Variants in WDR72 observed in about 807,000 individuals in gnomAD.
WDR72 encodes WD repeat-containing protein 72.
A neutral mutation model predicts 124.2 loss-of-function variants in WDR72; 120 were observed. That is an observed-to-expected ratio of 0.97 (90% CI 0.83 to 1.12). WDR72 has a LOEUF of 1.12. Ranked by LOEUF, WDR72 falls within the 50% of genes most tolerant of loss-of-function variation. The pLI, the probability that WDR72 is intolerant of heterozygous loss-of-function variation, is 0.00. For missense variants in WDR72, 1,387 were observed against 1,278.8 expected, an observed-to-expected ratio of 1.08 and a Z score of -1.29; for synonymous variants, 452 against 441.7, an observed-to-expected ratio of 1.02 and a Z score of -0.29.
rs140553578 is a variant in WDR72 at position 53,601,779 on chromosome 15, A to G, written c.2953-4505T>C. 5.4e-3 allele frequency among the ~76,000 whole-genome samples: 825 copies of G among 152,322 alleles called. 10 individuals carry two copies. The highest frequency in any genetic ancestry group is 0.019 in the African/African-American group (803 of 41,578). On this transcript the variant is annotated intron_variant, in intron 17 of 19. Coordinates refer to ENST00000360509, the MANE Select transcript of WDR72 (RefSeq NM_182758.4). ...TACATAAGGGTAAAGGGTTCAATTC[A>G]ACAGGAAGAGCTAACTATCCTAAAT...
At chr15:53,547,931 C>T (rs961590592) in intron 18 of WDR72, among the ~76,000 whole-genome samples, 1 of 150,956 alleles carries the variant, frequency 6.6e-6, no homozygotes, top group Non-Finnish European at 1.5e-5. Context: ...AAATGCTGGA[C>T]AGCAAAAAAA....
At chr15:53,711,074 T>C in intron 8 of WDR72, 121 bp from the exon 9 acceptor site, 1 of 960,046 alleles carries the variant, frequency 1.0e-6, no homozygotes, top group Non-Finnish European at 1.6e-6. Flanking sequence ...TAGTTAGAAA[T>C]TGTTGGGTTA....
intron 14 of WDR72, among the ~76,000 whole-genome samples, chr15:53,641,862 T>C (rs1389899083): frequency 1.3e-5 from 2 of 151,948 alleles, no homozygotes; most frequent in Non-Finnish European, 2.9e-5. Context: ...TTCTGATCTA[T>C]TAATATTTTA....
intron 13 of WDR72, among the ~76,000 whole-genome samples, chr15:53,674,329 A>C (rs909887736): frequency 2.0e-5 from 3 of 152,224 alleles, no homozygotes; most frequent in East Asian, 1.9e-4. Context: ...CCACAAATCA[A>C]AAAATTTGAC....
At position 53,594,643 on chromosome 15, in the gene WDR72, C is replaced by A. The variant is rs796553704; in HGVS notation, c.3148+2436G>T. The stretch of plus-strand genomic sequence containing the variant: ...AATAAAAATTAAAAAAAAAAAAAAA[C>A]TAGCTTATAATGGTGGTGCTTGCCT... On this transcript the variant is annotated intron_variant, in intron 18 of 19. Transcript: ENST00000360509. 1.1e-3 allele frequency among the ~76,000 whole-genome samples: 130 copies of A among 118,922 alleles called. 1 individual carries two copies. The highest frequency in any genetic ancestry group is 4.1e-3 in the African/African-American group (120 of 29,502). The allele number at this position is 118,922 out of a possible 152,430, so 78.0% of individuals were successfully genotyped here.
chr15:53,564,638 A>T (rs1177580439), intron 18 of WDR72, among the ~76,000 whole-genome samples: 1 of 151,814 alleles, frequency 6.6e-6, no homozygotes, highest in Non-Finnish European at 1.5e-5. Flanking sequence ...TCGATAAACC[A>T]TTTGGCTGCT....
chr15:53,639,340 T>C (rs2014744822), intron 14 of WDR72, among the ~76,000 whole-genome samples: 1 of 151,986 alleles, frequency 6.6e-6, no homozygotes, highest in African/African-American at 2.4e-5. Flanking sequence ...CTCACTTAAA[T>C]TCTTTTCTGT....
intron 14 of WDR72, among the ~76,000 whole-genome samples, chr15:53,637,844 C>T (rs200548127): frequency 7.2e-5 from 11 of 152,034 alleles, no homozygotes; most frequent in African/African-American, 2.2e-4. Flanking sequence ...ACTGTTCATG[C>T]GTGAAAGTGT....
chr15:53,634,191 TAGTC>T (rs1385122245), intron 14 of WDR72, among the ~76,000 whole-genome samples: 2 of 152,126 alleles, frequency 1.3e-5, no homozygotes, highest in Admixed American at 1.3e-4. Context: ...ACAACAAAAA[TAGTC>T]AGTCTCTGGA....
At chr15:53,638,928 G>A (rs187799661) in intron 14 of WDR72, among the ~76,000 whole-genome samples, 1 of 152,008 alleles carries the variant, frequency 6.6e-6, no homozygotes, top group South Asian at 2.1e-4. Flanking sequence ...GCTTGAACCC[G>A]GGAGGGTTGC....
At chr15:53,605,048 T>C (rs555457494) in intron 17 of WDR72, among the ~76,000 whole-genome samples, 58 of 152,300 alleles carry the variant, frequency 3.8e-4, no homozygotes, top group Middle Eastern at 3.4e-3. Flanking sequence ...TGTATGTTCA[T>C]TGCAGATCTA....
intron 14 of WDR72, among the ~76,000 whole-genome samples, chr15:53,627,405 T>C (rs925341170): frequency 8.5e-5 from 13 of 152,164 alleles, no homozygotes; most frequent in African/African-American, 3.1e-4. Flanking sequence ...GCCCCATCTA[T>C]TAGACTTGGA....
chr15:53,616,327 A>G lies in WDR72; in HGVS notation c.1963-84T>C. On this transcript the variant is annotated intron_variant, in intron 14 of 19. Transcript: ENST00000360509. ...CATGATGTTAAAGTGGCATTTTTAA[A>G]AAGTATTACATTGCAGAGCAGCTAA... The G allele has an allele frequency of 2.5e-6, 3 of 1,196,402 alleles. No individual in the cohort carries two copies. The South Asian group carries it at 3.9e-5, about 15-fold the overall frequency. 74.1% of individuals were successfully genotyped at this position (1,196,402 alleles called of 1,614,324 possible).
chr15:53,734,500 G>A (rs924239122), intron 1 of WDR72, among the ~76,000 whole-genome samples: 1 of 152,230 alleles, frequency 6.6e-6, no homozygotes, highest in East Asian at 1.9e-4. Context: ...AGAGAAAAAT[G>A]CATTATACCT....
intron 1 of WDR72, among the ~76,000 whole-genome samples, chr15:53,757,977 TTC>T (rs5812712): frequency 0.024 from 3,621 of 148,684 alleles, 120 homozygotes; most frequent in African/African-American, 0.076. Context: ...AGAGTTTATT[TTC>T]TCTCTCTCTC....
At chr15:53,610,812 A>G (rs553742829) in intron 16 of WDR72, among the ~76,000 whole-genome samples, 2 of 152,098 alleles carry the variant, frequency 1.3e-5, no homozygotes, top group Admixed American at 6.6e-5. Flanking sequence ...CCATTTCTTC[A>G]TGAACACAGC....
chr15:53,541,344 C>A (rs374357692), intron 18 of WDR72, among the ~76,000 whole-genome samples: 1 of 152,182 alleles, frequency 6.6e-6, no homozygotes, highest in Admixed American at 6.5e-5. Flanking sequence ...CCCTGACCCC[C>A]GAGCAGCCTA....
intron 14 of WDR72, among the ~76,000 whole-genome samples, chr15:53,658,544 T>C (rs896678912): frequency 1.3e-5 from 2 of 152,072 alleles, no homozygotes; most frequent in Non-Finnish European, 2.9e-5. Context: ...CTGCCATCTA[T>C]ACAAAAAGGT....
At chr15:53,544,549 G>A (rs868816653) in intron 18 of WDR72, among the ~76,000 whole-genome samples, 1,539 of 141,964 alleles carry the variant, frequency 0.011, 13 homozygotes, top group African/African-American at 0.037. Context: ...ACCCACAGCC[G>A]ATATCATACT....
Sources: allele counts gnomAD v4.1 joint callset (sites outside exome capture counted in the v4.1 genomes callset), GRCh38; gene constraint gnomAD v4.1.1; transcripts MANE v1.5; gene names NCBI Gene and HGNC (gene_info 2026-07-23, HGNC 2026-07-21).